The following RPL34 variants were observed in gnomAD, a reference collection of about 807,000 sequenced individuals.
RPL34 encodes ribosomal protein L34, also known as large ribosomal subunit protein eL34.
A neutral mutation model predicts 16.3 loss-of-function variants in RPL34; 2 were observed. The ratio of observed to expected loss-of-function variants is 0.12; its 90% confidence interval spans 0.05 to 0.39. The LOEUF (loss-of-function observed/expected upper bound fraction) is 0.39. Ranked by LOEUF, RPL34 falls within the 10% of genes least tolerant of loss-of-function variation. The probability of loss-of-function intolerance (pLI) is 0.99; values close to 1 mark genes in which losing one functional copy is unlikely to be tolerated. For missense variants in RPL34, 82 were observed against 148.8 expected, an observed-to-expected ratio of 0.55 and a Z score of 2.33; for synonymous variants, 47 against 48.5, an observed-to-expected ratio of 0.97 and a Z score of 0.13.
intron 3 of RPL34, 146 bp from the exon 4 acceptor site, chr4:108,622,369 C>A: frequency 1.2e-6 from 1 of 809,474 alleles, no homozygotes; most frequent in Non-Finnish European, 2.0e-6. Context: ...TTAAACCAAT[C>A]TGAGAAATGC....
chr4:108,624,312 T>C (rs1404381922), intron 4 of RPL34, among the ~76,000 whole-genome samples: 1 of 152,064 alleles, frequency 6.6e-6, no homozygotes, highest in East Asian at 1.9e-4. Flanking sequence ...TGGGGGAGAT[T>C]TGAAGAAATT....
chr4:108,628,873 A>G (rs1726096666), downstream of RPL34, among the ~76,000 whole-genome samples: 3 of 152,170 alleles, frequency 2.0e-5, no homozygotes, highest in Non-Finnish European at 1.5e-5. Flanking sequence ...CCCAGGCTGG[A>G]GTGCAGTGAC....
chr4:108,621,759 A>T, intron 1 of RPL34, 192 bp from the exon 2 acceptor site: 1 of 528,032 alleles, frequency 1.9e-6, no homozygotes, highest in East Asian at 3.3e-5. Context: ...CAGGAAAGCT[A>T]ACATTCTTGG....
chr4:108,623,605 T>G (rs1442349759), intron 4 of RPL34, among the ~76,000 whole-genome samples: 1 of 152,124 alleles, frequency 6.6e-6, no homozygotes, highest in East Asian at 1.9e-4. Flanking sequence ...GAGACAAGGT[T>G]TCACTGTGTT....
At chr4:108,628,139 C>T (rs1237385247), downstream of RPL34, among the ~76,000 whole-genome samples, 2 of 152,166 alleles carry the variant, frequency 1.3e-5, no homozygotes, top group African/African-American at 2.4e-5. Flanking sequence ...TAGTCTCAAA[C>T]GATTGAGATA....
chr4:108,628,088 G>T (rs903357960), downstream of RPL34, among the ~76,000 whole-genome samples: 2 of 152,190 alleles, frequency 1.3e-5, no homozygotes, highest in Non-Finnish European at 2.9e-5. Flanking sequence ...ATAAATGCTA[G>T]CATAATCAAT....
rs766651191 is a variant in RPL34, at chr4:108,625,136, G to A, written c.278G>A (p.Arg93His). 6 of 1,605,182 alleles carry A rather than the reference G, an allele frequency of 3.7e-6. No individual in the cohort carries two copies. Among genetic ancestry groups the A allele is most frequent in the Non-Finnish European group, 5.1e-6 (6 of 1,173,888 alleles). Residue 93 changes from arginine to histidine, a missense_variant, in exon 5 of 5, where the codon CGT (arginine) becomes CAT (histidine). Transcript: ENST00000394667. ...CAKCVRDRIK[R>H]AFLIEEQKIV... ...GGTATTTTCCTTTCTAGGATCAAGC[G>A]TGCTTTCCTTATCGAGGAGCAGAAA...
chr4:108,627,250 C>T (rs1416217358), downstream of RPL34, among the ~76,000 whole-genome samples: 1 of 149,016 alleles, frequency 6.7e-6, no homozygotes, highest in African/African-American at 2.5e-5. Flanking sequence ...AAAAAAAAAA[C>T]ACCTTTTCTT....
downstream of RPL34, among the ~76,000 whole-genome samples, chr4:108,627,810 C>T (rs146328024): frequency 1.4e-3 from 212 of 150,930 alleles, no homozygotes; most frequent in African/African-American, 4.6e-3. Flanking sequence ...TGCACTGAGC[C>T]GAGATTGCAC....
At chr4:108,627,252 C>T (rs1004845727), downstream of RPL34, among the ~76,000 whole-genome samples, 5 of 151,462 alleles carry the variant, frequency 3.3e-5, no homozygotes, top group Non-Finnish European at 7.4e-5. Context: ...AAAAAAAACA[C>T]CTTTTCTTAG....
At chr4:108,628,238 CAG>C (rs1229111714), downstream of RPL34, among the ~76,000 whole-genome samples, 2 of 152,118 alleles carry the variant, frequency 1.3e-5, no homozygotes, top group African/African-American at 4.8e-5. Flanking sequence ...TGTTTAATCA[CAG>C]TATTGAAAAT....
intron 3 of RPL34, 85 bp downstream of exon 3, chr4:108,622,289 G>T: frequency 9.5e-7 from 1 of 1,049,108 alleles, no homozygotes. Flanking sequence ...GAATCAAGGA[G>T]AGGTTACCAC....
At chr4:108,629,029 G>T (rs1438488056), downstream of RPL34, among the ~76,000 whole-genome samples, 1 of 152,104 alleles carries the variant, frequency 6.6e-6, no homozygotes, top group Non-Finnish European at 1.5e-5. Context: ...TGTTGGCCAG[G>T]CTGGTCTCGA....
downstream of RPL34, among the ~76,000 whole-genome samples, chr4:108,628,731 G>A (rs948956125): frequency 8.5e-5 from 13 of 152,188 alleles, no homozygotes; most frequent in African/African-American, 3.1e-4. Flanking sequence ...TTCTTGGTAT[G>A]TTAAATGGTT....
chr4:108,621,721 T>C (rs1221004710), intron 1 of RPL34: 1 of 460,872 alleles, frequency 2.2e-6, no homozygotes, highest in East Asian at 4.1e-5. Context: ...CATCAGAACG[T>C]TAAGGAAGTG....
intron 3 of RPL34, 86 bp from the exon 4 acceptor site, chr4:108,622,429 A>G: frequency 2.0e-6 from 2 of 985,510 alleles, no homozygotes; most frequent in Non-Finnish European, 3.2e-6. Flanking sequence ...TTTGTAACCT[A>G]CTTTAAACTT....
chr4:108,621,175 C>T (rs1725754502), intron 1 of RPL34: 1 of 152,118 alleles, frequency 6.6e-6, no homozygotes, highest in Non-Finnish European at 1.5e-5. Flanking sequence ...TAGTGAGAGG[C>T]TTGTGACAAC....
In RPL34 at chr4:108,622,621, A is replaced by G. The variant is rs569265925; in HGVS notation, c.269+3A>G. 244 of 1,565,372 alleles carry G rather than the reference A, an allele frequency of 1.6e-4. 2 individuals are homozygous for G. Among genetic ancestry groups the G allele is most frequent in the South Asian group, 3.5e-4 (30 of 86,016 alleles). ...TGTGCTAAATGTGTTCGTGACAGGT[A>G]AGTTAAATGCTTAAATGGGCTTTCC... On this transcript the variant is annotated splice_donor_region_variant and intron_variant, in intron 4 of 4. Transcript: ENST00000394667.
In RPL34 at chr4:108,621,257, G is replaced by A. The variant is rs546749972; in HGVS notation, c.-10+657G>A. The A allele has an allele frequency of 4.6e-5, 7 of 152,486 alleles. No homozygotes were observed. In the East Asian group the frequency reaches 1.4e-3, roughly 29 times the overall value. 9.4% of individuals were successfully genotyped at this position (152,486 alleles called of 1,614,324 possible). ...AAGTATTGATTATGTTTTACGTTGGGTAGTTCCCTTAACGAAGTTGCTCGT... is the reference window on the plus strand; with the variant it reads ...AAGTATTGATTATGTTTTACGTTGGATAGTTCCCTTAACGAAGTTGCTCGT... On this transcript the variant is annotated intron_variant, in intron 1 of 4. Transcript: ENST00000394667.
Sources: allele counts gnomAD v4.1 joint callset (sites outside exome capture counted in the v4.1 genomes callset), GRCh38; gene constraint gnomAD v4.1.1; transcripts MANE v1.5; gene names NCBI Gene and HGNC (gene_info 2026-07-23, HGNC 2026-07-21).